The following RIPOR3 variants were observed in gnomAD, a reference collection of about 807,000 sequenced individuals.
RIPOR3 encodes family with sequence similarity 65 member C.
RIPOR3 carries 95 observed loss-of-function variants against 114.3 expected under a neutral mutation model. The observed-to-expected ratio is 0.83, with a 90% CI of 0.70 to 0.99. RIPOR3 has a LOEUF of 0.99. Among genes scored for constraint, RIPOR3 ranks in the 50% least tolerant of loss-of-function variants. The pLI is 0.00. For synonymous variants in RIPOR3, 575 were observed against 543.8 expected (o/e 1.06, Z -0.80); for missense variants, 1,252 against 1,266.9 (o/e 0.99, Z 0.18).
chr20:50,647,019 C>T (rs1159132860), intron 1 of RIPOR3, among the ~76,000 whole-genome samples: 2 of 152,070 alleles, frequency 1.3e-5, no homozygotes. Flanking sequence ...AAGTTTTGAG[C>T]TCATGTGAAA....
At chr20:50,656,200 G>T (rs1347861202) in intron 1 of RIPOR3, among the ~76,000 whole-genome samples, 3 of 151,804 alleles carry the variant, frequency 2.0e-5, no homozygotes, top group Admixed American at 2.0e-4. Context: ...TAGAGACGGG[G>T]TTTCACCATG....
intron 1 of RIPOR3, among the ~76,000 whole-genome samples, chr20:50,680,505 C>G (rs2086821797): frequency 6.6e-6 from 1 of 152,238 alleles, no homozygotes. Flanking sequence ...TTCTTCCCCA[C>G]CTCCCTAAAA....
chr20:50,685,069 C>T (rs1350224896), intron 1 of RIPOR3, among the ~76,000 whole-genome samples: 1 of 151,588 alleles, frequency 6.6e-6, no homozygotes, highest in African/African-American at 2.4e-5. Flanking sequence ...TGTGAGCCAC[C>T]ACGTCCAGTG....
chr20:50,595,576 T>TCCCACCTGCTTGTGCCC, intron 15 of RIPOR3, 72 bp from the exon 16 acceptor site: 1 of 1,574,510 alleles, frequency 6.4e-7, no homozygotes, highest in Non-Finnish European at 8.6e-7. Flanking sequence ...CGGCTGTGGC[T>TCCCACCTGCTTGTGCCC]CCCACCTGCT....
chr20:50,640,468 C>G (rs1172984926), intron 1 of RIPOR3, among the ~76,000 whole-genome samples: 1 of 149,252 alleles, frequency 6.7e-6, no homozygotes, highest in Non-Finnish European at 1.5e-5. Context: ...ACAAAAGACG[C>G]CTGAGCTTGG....
chr20:50,602,224 C>G lies in RIPOR3; in HGVS notation c.1507G>C (p.Glu503Gln). 6.2e-7 allele frequency: 1 copy of G among 1,613,886 alleles called. No individual in the cohort carries two copies. Among genetic ancestry groups the G allele is most frequent in the Non-Finnish European group, 8.5e-7 (1 of 1,179,978 alleles). The change falls in exon 13 of 22, where the codon GAA (glutamate) becomes CAA (glutamine). Residue 503 changes from glutamate (E) to glutamine (Q), a missense_variant. Physicochemically the swap from Glu to Gln is conservative, Grantham distance 29. Coordinates refer to ENST00000327979, the MANE Select transcript of RIPOR3 (RefSeq NM_001290268.2). This position sits in a 1 kb window ranked among gnomAD's most constrained non-coding sequence, Gnocchi z 4.3. ...TCCTCTCTGTCCCCGGTTGCCCCTT[C>G]CTCGTGGCCGTTCTGGCTACTCGAG... ...TASSSQNGHE[E>Q]GATGDREDGP...
rs747697920 is a variant in RIPOR3 at position 50,602,225 on chromosome 20, C to T, written c.1506G>A (p.Glu502=). The T allele has an allele frequency of 6.2e-7, 1 of 1,613,880 alleles. No homozygotes were observed. Among genetic ancestry groups the T allele is most frequent in the East Asian group, 2.2e-5 (1 of 44,868 alleles). Residue 502 remains glutamate, a synonymous_variant, in exon 13 of 22, where the codon GAG becomes GAA. Transcript: ENST00000327979. The surrounding 1 kb of genome is among the most constrained non-coding windows in gnomAD (Gnocchi z 4.3). ...GTASSSQNGH[E]EGATGDREDG... is the part of the protein sequence containing the mutation. Reference sequence around the variant, plus strand: ...CCTCTCTGTCCCCGGTTGCCCCTTCCTCGTGGCCGTTCTGGCTACTCGAGG... The same window carrying T: ...CCTCTCTGTCCCCGGTTGCCCCTTCTTCGTGGCCGTTCTGGCTACTCGAGG...
chr20:50,609,491 C>T, intron 7 of RIPOR3, 82 bp downstream of exon 7: 2 of 1,451,582 alleles, frequency 1.4e-6, no homozygotes, highest in East Asian at 5.0e-5. Context: ...CTCCAGCCCC[C>T]ACTGGCCCAG....
intron 21 of RIPOR3, 63 bp downstream of exon 21, chr20:50,587,739 C>G (rs900445699): frequency 4.6e-6 from 7 of 1,518,634 alleles, no homozygotes; most frequent in Non-Finnish European, 6.4e-6. Context: ...TGGGTGTGGC[C>G]TCTCGCAGAT....
In RIPOR3 at chr20:50,597,495, G is replaced by A. The variant is rs376210204; in HGVS notation, c.1790+85C>T. 20 of 1,520,460 alleles carry A rather than the reference G, an allele frequency of 1.3e-5. No individual in the cohort carries two copies. The African/African-American group carries it at 1.7e-4, about 13-fold the overall frequency. The allele number at this position is 1,520,460 out of a possible 1,614,324, so 94.2% of individuals were successfully genotyped here. On this transcript the variant is annotated intron_variant, in intron 14 of 21. Transcript: ENST00000327979. ...GCCAAGGACAGTGGGAGAAACAGACGGGGAGGCTGGCAGGAAACGTGGAGC... is the reference window on the plus strand; with the variant it reads ...GCCAAGGACAGTGGGAGAAACAGACAGGGAGGCTGGCAGGAAACGTGGAGC...
intron 2 of RIPOR3, among the ~76,000 whole-genome samples, chr20:50,629,588 G>A (rs997736566): frequency 4.6e-5 from 7 of 152,192 alleles, no homozygotes; most frequent in African/African-American, 1.7e-4. Flanking sequence ...CACCCCCAGG[G>A]AACTCAGCCA....
intron 2 of RIPOR3, among the ~76,000 whole-genome samples, chr20:50,626,703 T>C (rs993771447): frequency 1.3e-5 from 2 of 152,160 alleles, no homozygotes; most frequent in Admixed American, 6.5e-5. Context: ...GAAATAAAAA[T>C]GCAAGGCTCT....
intron 1 of RIPOR3, among the ~76,000 whole-genome samples, chr20:50,641,030 C>A (rs1250317104): frequency 1.3e-5 from 2 of 151,946 alleles, no homozygotes; most frequent in Middle Eastern, 6.8e-3. Context: ...CTGCCTCAGC[C>A]TCCTGAGTAG....
intron 1 of RIPOR3, chr20:50,636,458 A>T: frequency 1.5e-6 from 1 of 678,692 alleles, no homozygotes; most frequent in Non-Finnish European, 1.8e-6. Flanking sequence ...AGAGAGGAGG[A>T]ATGCTCGGGT....
At chr20:50,661,161 G>T (rs548575249) in intron 1 of RIPOR3, among the ~76,000 whole-genome samples, 1 of 151,608 alleles carries the variant, frequency 6.6e-6, no homozygotes, top group African/African-American at 2.4e-5. Context: ...TCGCTTGAAC[G>T]CGGGAGGCGG....
intron 1 of RIPOR3, among the ~76,000 whole-genome samples, chr20:50,634,840 C>G (rs2084929216): frequency 6.6e-6 from 1 of 152,188 alleles, no homozygotes; most frequent in Admixed American, 6.5e-5. Context: ...CAAGATCAGC[C>G]TGGACAACAT....
In RIPOR3 at chr20:50,633,234, C is replaced by T. The variant is rs1600639526; in HGVS notation, c.4-2378G>A. ...CTGAGATCATGCCACTGCACTCCAG[C>T]CTGGGCAACAGAGCAAGACTCTGAC... On this transcript the variant is annotated intron_variant, in intron 1 of 21. Coordinates refer to ENST00000327979, the MANE Select transcript of RIPOR3 (RefSeq NM_001290268.2). 2.6e-5 allele frequency among the ~76,000 whole-genome samples: 4 copies of T among 152,160 alleles called. No homozygotes were observed. In the East Asian group the frequency reaches 7.7e-4, roughly 29 times the overall value.
intron 14 of RIPOR3, chr20:50,597,306 G>A: frequency 6.8e-6 from 3 of 438,236 alleles, no homozygotes; most frequent in Non-Finnish European, 1.2e-5. Context: ...TATTTTTAAG[G>A]TTTAAAAAAT....
At chr20:50,610,046 T>TCCCCTGCCTCCCCTGCCA (rs1568855007) in intron 6 of RIPOR3, among the ~76,000 whole-genome samples, 1 of 28,068 alleles carries the variant, frequency 3.6e-5, no homozygotes, top group Non-Finnish European at 6.7e-5. Flanking sequence ...CACCCCTGCC[T>TCCCCTGCCTCCCCTGCCA]CCCCTGCCTC....
Sources: allele counts gnomAD v4.1 joint callset (sites outside exome capture counted in the v4.1 genomes callset), GRCh38; gene constraint gnomAD v4.1.1; non-coding constraint Gnocchi (gnomAD v3.1); transcripts MANE v1.5; gene names NCBI Gene and HGNC (gene_info 2026-07-23, HGNC 2026-07-21).